The following CA10 variants were observed in gnomAD, a reference collection of about 807,000 sequenced individuals.
The protein encoded by CA10 is carbonic anhydrase-related protein 10.
A neutral mutation model predicts 44.2 loss-of-function variants in CA10; 14 were observed. That is an observed-to-expected ratio of 0.32 (90% CI 0.21 to 0.50). The LOEUF (loss-of-function observed/expected upper bound fraction) is 0.50, where lower values mean the gene tolerates loss of function less well. Ranked by LOEUF, CA10 falls within the 20% of genes least tolerant of loss-of-function variation. The pLI is 0.99. For missense variants in CA10, 350 were observed against 409.7 expected (o/e 0.85, Z 1.26); for synonymous variants, 159 against 141.6 (o/e 1.12, Z -0.87).
At chr17:51,878,143 CAAAAAAAA>C (rs558014863) in intron 3 of CA10, among the ~76,000 whole-genome samples, 12 of 63,686 alleles carry the variant, frequency 1.9e-4, no homozygotes, top group Non-Finnish European at 2.7e-4. Context: ...GACTCCGTCT[CAAAAAAAA>C]AAAAAAAAAA....
rs535354173 is a variant in CA10 at position 52,047,916 on chromosome 17, A to G, written c.136+24403T>C. Among the ~76,000 whole-genome samples the G allele has an allele frequency of 2.0e-5, 3 of 152,022 alleles. No homozygotes were observed. In the South Asian group the frequency reaches 6.2e-4, roughly 32 times the overall value. ...ATATGTTTTATGGTGAAACAATATTATATTAGTAAAATAAAAGCCTGAAAA... is the reference window on the plus strand; with the variant it reads ...ATATGTTTTATGGTGAAACAATATTGTATTAGTAAAATAAAAGCCTGAAAA... On this transcript the variant is annotated intron_variant, in intron 2 of 8. Transcript: ENST00000451037.
rs764005293 is a variant in CA10 at position 51,778,351 on chromosome 17, G to A, written c.280-30533C>T. The stretch of plus-strand genomic sequence containing the variant: ...AGAAGCACCAGAGGCACAGCTCACA[G>A]CCCTTCAGACCCAGCATGCTGTGGA... On this transcript the variant is annotated intron_variant, in intron 3 of 8. Transcript: ENST00000451037. Among the ~76,000 whole-genome samples, 5 of 152,314 alleles carry A rather than the reference G, an allele frequency of 3.3e-5. 1 individual carries two copies. Among genetic ancestry groups the A allele is most frequent in the Middle Eastern group, 6.8e-3 (2 of 294 alleles).
intron 1 of CA10, among the ~76,000 whole-genome samples, chr17:52,114,472 C>T (rs542668491): frequency 6.6e-6 from 1 of 152,332 alleles, no homozygotes; most frequent in South Asian, 2.1e-4. Context: ...TAGTATTAAA[C>T]TCATACAGTT....
intron 4 of CA10, among the ~76,000 whole-genome samples, chr17:51,696,192 A>G (rs527849517): frequency 3.3e-5 from 5 of 152,254 alleles, no homozygotes; most frequent in African/African-American, 1.2e-4. Context: ...AGAAAGAGTT[A>G]GGGAGGAGTC....
intron 3 of CA10, among the ~76,000 whole-genome samples, chr17:51,807,407 C>T (rs1051352569): frequency 3.3e-5 from 5 of 152,104 alleles, no homozygotes; most frequent in Non-Finnish European, 5.9e-5. Flanking sequence ...AATTTAGAAC[C>T]AGTGACATGA....
Position 51,878,597 on chromosome 17 carries a change from T to C in CA10, c.279+52393A>G, listed in dbSNP as rs116528136. On this transcript the variant is annotated intron_variant, in intron 3 of 8. Coordinates refer to ENST00000451037, the MANE Select transcript of CA10 (RefSeq NM_020178.5). ...AGGCACCAGGGTTCATATCTGCAAA[T>C]TGTGTGAGTTGGGCTTCCACCTATA... Among the ~76,000 whole-genome samples, 495 of 151,892 alleles carry C rather than the reference T, an allele frequency of 3.3e-3. 3 individuals are homozygous for C. The highest frequency in any genetic ancestry group is 0.012 in the African/African-American group (484 of 41,408).
At chr17:51,860,791 C>G (rs1224060054) in intron 3 of CA10, among the ~76,000 whole-genome samples, 1 of 152,032 alleles carries the variant, frequency 6.6e-6, no homozygotes, top group Admixed American at 6.6e-5. Flanking sequence ...ACTAAAATAC[C>G]TTTAGGGGTA....
At chr17:51,774,213 C>CA (rs1171825748) in intron 3 of CA10, among the ~76,000 whole-genome samples, 1 of 152,128 alleles carries the variant, frequency 6.6e-6, no homozygotes, top group Non-Finnish European at 1.5e-5. Context: ...GTTACTTTTT[C>CA]AAAAGAGTTC....
chr17:51,969,768 T>C (rs1372655880), intron 2 of CA10, among the ~76,000 whole-genome samples: 1 of 151,976 alleles, frequency 6.6e-6, no homozygotes, highest in Non-Finnish European at 1.5e-5. Flanking sequence ...TAAGAAACTT[T>C]TGTGGGGATC....
intron 4 of CA10, among the ~76,000 whole-genome samples, chr17:51,654,791 C>T (rs1913727046): frequency 6.6e-6 from 1 of 152,178 alleles, no homozygotes; most frequent in African/African-American, 2.4e-5. Flanking sequence ...CTCCTGACCT[C>T]GTGATCCACC....
chr17:52,044,384 G>C (rs1166511869), intron 2 of CA10, among the ~76,000 whole-genome samples: 1 of 152,082 alleles, frequency 6.6e-6, no homozygotes, highest in Admixed American at 6.5e-5. Context: ...GCTCACTGCA[G>C]CTTCAACCTC....
chr17:51,987,762 T>C (rs1181754705), intron 2 of CA10, among the ~76,000 whole-genome samples: 1 of 151,752 alleles, frequency 6.6e-6, no homozygotes, highest in East Asian at 1.9e-4. Context: ...ACCAAGGCGA[T>C]TAAGAGAGGG....
At chr17:51,863,729 T>C (rs1014441867) in intron 3 of CA10, among the ~76,000 whole-genome samples, 1 of 152,120 alleles carries the variant, frequency 6.6e-6, no homozygotes, top group African/African-American at 2.4e-5. Context: ...ATACTTGTGA[T>C]TAGAATACAA....
intron 2 of CA10, among the ~76,000 whole-genome samples, chr17:52,046,432 A>C (rs1281369636): frequency 1.3e-5 from 2 of 151,994 alleles, no homozygotes; most frequent in Admixed American, 6.5e-5. Flanking sequence ...AAAAGGATAT[A>C]ATGAGTAATG....
rs570944901 is a variant in CA10, at chr17:52,100,335, G to A, written c.62-27942C>T. On this transcript the variant is annotated intron_variant, in intron 1 of 8. Coordinates refer to ENST00000451037, the MANE Select transcript of CA10 (RefSeq NM_020178.5). ...CTGAAAGAGACAGGATAGAGATACA[G>A]ATAGTTTATTTGGGCAGTGAAAAGG... Among the ~76,000 whole-genome samples, 16 of 152,244 alleles carry A rather than the reference G, an allele frequency of 1.1e-4. No individual in the cohort carries two copies. In the South Asian group the frequency reaches 2.3e-3, roughly 22 times the overall value.
At chr17:51,996,728 A>G (rs1275839479) in intron 2 of CA10, among the ~76,000 whole-genome samples, 2 of 152,034 alleles carry the variant, frequency 1.3e-5, no homozygotes, top group Non-Finnish European at 2.9e-5. Flanking sequence ...TTGATCAGAA[A>G]TCATGCCCAC....
At chr17:51,748,535 T>C in intron 3 of CA10, 1 of 824,094 alleles carries the variant, frequency 1.2e-6, no homozygotes, top group Non-Finnish European at 1.4e-6. Flanking sequence ...AGCTTCATTT[T>C]CCTGACTGTG....
chr17:52,112,644 C>T (rs72836040), intron 1 of CA10, among the ~76,000 whole-genome samples: 20,641 of 152,174 alleles, frequency 0.14, 1,688 homozygotes, highest in East Asian at 0.41. Context: ...CACTATCTAC[C>T]ACTTAGGGTT....
At chr17:52,130,288 C>G (rs1445034464) in intron 1 of CA10, among the ~76,000 whole-genome samples, 1 of 152,144 alleles carries the variant, frequency 6.6e-6, no homozygotes, top group Non-Finnish European at 1.5e-5. Flanking sequence ...TATGACCCAG[C>G]AATCCCACTT....
Sources: gnomAD v4.1 joint callset for allele counts (sites outside exome capture counted in the v4.1 genomes callset) on GRCh38, gnomAD v4.1.1 for gene constraint, MANE v1.5 for transcripts, NCBI Gene and HGNC (gene_info 2026-07-23, HGNC 2026-07-21) for gene names.